The following KLHL29 variants were observed in gnomAD, a reference collection of about 807,000 sequenced individuals.
KLHL29 encodes kelch like family member 29.
KLHL29 carries 21 observed loss-of-function variants against 80.4 expected under a neutral mutation model. That is an observed-to-expected ratio of 0.26 (90% confidence interval 0.19 to 0.38). The LOEUF is 0.38. Ranked by LOEUF, KLHL29 falls within the 10% of genes least tolerant of loss-of-function variation. The pLI is 1.00. For synonymous variants in KLHL29, 511 were observed against 526.8 expected, an observed-to-expected ratio of 0.97 and a Z score of 0.41; for missense variants, 867 against 1,223.9, an observed-to-expected ratio of 0.71 and a Z score of 4.35.
chr2:23,663,118 C>T (rs1435588728), intron 5 of KLHL29, among the ~76,000 whole-genome samples: 1 of 152,176 alleles, frequency 6.6e-6, no homozygotes, highest in Non-Finnish European at 1.5e-5. Flanking sequence ...TCCCCTACCG[C>T]GCCCTGCTCC....
chr2:23,670,580 C>T (rs539021338), intron 5 of KLHL29, among the ~76,000 whole-genome samples: 6 of 152,266 alleles, frequency 3.9e-5, no homozygotes, highest in South Asian at 2.1e-4. Context: ...CCAGGGCCTG[C>T]GGCGGGGGGC....
At chr2:23,544,054 C>G (rs1454894498) in intron 2 of KLHL29, among the ~76,000 whole-genome samples, 1 of 152,146 alleles carries the variant, frequency 6.6e-6, no homozygotes, top group Admixed American at 6.5e-5. Flanking sequence ...GCTTTAAGAC[C>G]CAGGGGAATA....
intron 1 of KLHL29, among the ~76,000 whole-genome samples, chr2:23,390,648 T>C (rs1474198744): frequency 1.6e-5 from 2 of 123,798 alleles, no homozygotes; most frequent in African/African-American, 3.2e-5. Context: ...TTACCATCTT[T>C]ACTTTTTTTT....
chr2:23,562,560 G>A lies in KLHL29; in HGVS notation c.285+79G>A, dbSNP rs1353613823. 1.4e-6 allele frequency: 2 copies of A among 1,420,750 alleles called. No individual in the cohort carries two copies. The highest frequency in any genetic ancestry group is 2.3e-5 in the Admixed American group (1 of 43,430). The allele number at this position is 1,420,750 out of a possible 1,614,324, so 88.0% of individuals were successfully genotyped here. A position where few individuals can be genotyped will look rare whatever the true frequency, so the allele number is the denominator to read the frequency against. On this transcript the variant is annotated intron_variant, in intron 3 of 13. Coordinates refer to ENST00000486442, the MANE Select transcript of KLHL29 (RefSeq NM_052920.2). The surrounding 1 kb of genome is among the most constrained non-coding windows in gnomAD (Gnocchi z 4.5). The stretch of plus-strand genomic sequence containing the variant: ...CTGCAGGCTCAGGCCAGCCCCACAG[G>A]CTCCTGTGGGGCAGCCTGTGCTCCA...
intron 11 of KLHL29, among the ~76,000 whole-genome samples, chr2:23,698,138 T>TG (rs958613837): frequency 2.6e-5 from 4 of 152,320 alleles, no homozygotes; most frequent in African/African-American, 7.2e-5. Context: ...GGGCCTTCCC[T>TG]GGGGGGCAAG....
intron 1 of KLHL29, among the ~76,000 whole-genome samples, chr2:23,442,449 G>A (rs1012787641): frequency 2.0e-5 from 3 of 152,166 alleles, no homozygotes; most frequent in African/African-American, 4.8e-5. Context: ...AGAACAAGAT[G>A]TGATGACAGG....
At position 23,433,144 on chromosome 2, in the gene KLHL29, G is replaced by A. The variant is rs542599106; in HGVS notation, c.-153-42416G>A. Among the ~76,000 whole-genome samples, 8 of 152,330 alleles carry A rather than the reference G, an allele frequency of 5.3e-5. No individual in the cohort carries two copies. In the East Asian group the frequency reaches 5.8e-4, roughly 11 times the overall value. On this transcript the variant is annotated intron_variant, in intron 1 of 13. Coordinates refer to ENST00000486442, the MANE Select transcript of KLHL29 (RefSeq NM_052920.2). ...GCAGAGCACCCTTGGGTCAGCGAGCGCTTTTCTGCTCCTGCAAAGTCCCGC... is the reference window on the plus strand; with the variant it reads ...GCAGAGCACCCTTGGGTCAGCGAGCACTTTTCTGCTCCTGCAAAGTCCCGC...
Position 23,647,174 on chromosome 2 carries a change from G to A in KLHL29, c.940+4324G>A, listed in dbSNP as rs995712414. On this transcript the variant is annotated intron_variant, in intron 5 of 13. Transcript: ENST00000486442. This position sits in a 1 kb window ranked among gnomAD's most constrained non-coding sequence, Gnocchi z 4.9. ...GGGATGCATCCCTTTTCTGTCAGGAGGACTCAGGATGGCTCTCCCCAGGTG... is the reference window on the plus strand; with the variant it reads ...GGGATGCATCCCTTTTCTGTCAGGAAGACTCAGGATGGCTCTCCCCAGGTG... Among the ~76,000 whole-genome samples, 1 of 152,162 alleles carries A rather than the reference G, an allele frequency of 6.6e-6. No individual in the cohort carries two copies. Among genetic ancestry groups the A allele is most frequent in the Admixed American group, 6.5e-5 (1 of 15,282 alleles).
At chr2:23,668,278 C>T (rs1036530034) in intron 5 of KLHL29, 1 of 152,432 alleles carries the variant, frequency 6.6e-6, no homozygotes, top group Admixed American at 6.5e-5. Flanking sequence ...ATCACTCATT[C>T]AGACCTTACC....
chr2:23,476,643 TG>T (rs1389715569), intron 2 of KLHL29, among the ~76,000 whole-genome samples: 2 of 152,244 alleles, frequency 1.3e-5, no homozygotes, highest in Non-Finnish European at 2.9e-5. Flanking sequence ...GCCCTAACGA[TG>T]GACATTTAGC....
chr2:23,622,037 G>A (rs1669196038), intron 3 of KLHL29, among the ~76,000 whole-genome samples: 1 of 152,198 alleles, frequency 6.6e-6, no homozygotes, highest in South Asian at 2.1e-4. Context: ...GGGATGTGCT[G>A]GAAGCCAGCT....
intron 6 of KLHL29, among the ~76,000 whole-genome samples, chr2:23,685,994 GAT>G (rs1391504050): frequency 2.6e-4 from 40 of 152,356 alleles, no homozygotes; most frequent in African/African-American, 8.9e-4. Flanking sequence ...AGGGCCCTCG[GAT>G]GGCTTTCAGA....
intron 2 of KLHL29, among the ~76,000 whole-genome samples, chr2:23,509,186 C>T (rs1665697559): frequency 6.6e-6 from 1 of 152,154 alleles, no homozygotes; most frequent in Admixed American, 6.5e-5. Context: ...CTTCAGGCAC[C>T]CGGGAAGACT....
chr2:23,633,602 AT>A (rs1669525653), intron 3 of KLHL29, among the ~76,000 whole-genome samples: 1 of 151,940 alleles, frequency 6.6e-6, no homozygotes, highest in African/African-American at 2.4e-5. Context: ...ATCCCATGGT[AT>A]TGACTAGTAA....
intron 1 of KLHL29, among the ~76,000 whole-genome samples, chr2:23,438,522 G>C (rs199541372): frequency 0.078 from 11,101 of 142,434 alleles, 987 homozygotes; most frequent in East Asian, 0.23. Flanking sequence ...TAGCATGAAG[G>C]GTTGTTGAAT....
chr2:23,522,369 C>G (rs1311130535), intron 2 of KLHL29, among the ~76,000 whole-genome samples: 1 of 151,960 alleles, frequency 6.6e-6, no homozygotes, highest in Non-Finnish European at 1.5e-5. Context: ...AGGCTGGTCT[C>G]GAACTCCTGA....
chr2:23,654,758 C>T (rs575018361), intron 5 of KLHL29, among the ~76,000 whole-genome samples: 24 of 151,634 alleles, frequency 1.6e-4, no homozygotes, highest in African/African-American at 4.6e-4. Context: ...ATATTCACCC[C>T]GTATTTATGT....
intron 1 of KLHL29, among the ~76,000 whole-genome samples, chr2:23,455,994 C>G (rs980474286): frequency 6.6e-6 from 1 of 152,084 alleles, no homozygotes; most frequent in Non-Finnish European, 1.5e-5. Flanking sequence ...GTGAGGACTT[C>G]GTGAGAAAGC....
At position 23,562,023 on chromosome 2, in the gene KLHL29, C is replaced by G. The variant is rs534814550; in HGVS notation, c.-45-129C>G. 1 of 668,462 alleles carries G rather than the reference C, an allele frequency of 1.5e-6. No individual in the cohort carries two copies. Among genetic ancestry groups the G allele is most frequent in the Non-Finnish European group, 2.5e-6 (1 of 395,954 alleles). The allele number at this position is 668,462 out of a possible 1,614,324, so 41.4% of individuals were successfully genotyped here. On this transcript the variant is annotated intron_variant, in intron 2 of 13. Transcript: ENST00000486442. This position sits in a 1 kb window ranked among gnomAD's most constrained non-coding sequence, Gnocchi z 4.5. ...TAATGATCCATGCTTTGTGGGCTAG[C>G]GTGACTCTGAAATGAGCTAATGTTT... is the stretch of plus-strand genomic sequence containing the variant.
Sources: gnomAD v4.1 joint callset for allele counts (sites outside exome capture counted in the v4.1 genomes callset) on GRCh38, gnomAD v4.1.1 for gene constraint, Gnocchi (gnomAD v3.1) non-coding constraint, MANE v1.5 for transcripts, NCBI Gene and HGNC (gene_info 2026-07-23, HGNC 2026-07-21) for gene names.